The following THSD4 variants were observed in gnomAD, a reference collection of about 807,000 sequenced individuals.
The protein encoded by THSD4 is thrombospondin type-1 domain-containing protein 4.
Under a neutral mutation model 119.0 loss-of-function variants are expected in THSD4, and 69 were observed. The ratio of observed to expected loss-of-function variants is 0.58; its 90% CI spans 0.48 to 0.71. The LOEUF is 0.71. THSD4 is among the 30% of genes least tolerant of loss of function. The probability of loss-of-function intolerance (pLI) is 0.00; values close to 1 mark genes in which losing one functional copy is unlikely to be tolerated. For synonymous variants in THSD4, 524 were observed against 540.4 expected (o/e 0.97, Z 0.42); for missense variants, 1,393 against 1,391.1 (o/e 1.00, Z -0.02).
chr15:71,345,798 G>T (rs2028466), intron 6 of THSD4, among the ~76,000 whole-genome samples: 54,932 of 108,948 alleles, frequency 0.5, 10,893 homozygotes, highest in African/African-American at 0.61. Context: ...TGGGTGTTTT[G>T]TTTTTTTTTT....
intron 6 of THSD4, among the ~76,000 whole-genome samples, chr15:71,282,505 G>A (rs1421638262): frequency 6.6e-6 from 1 of 152,130 alleles, no homozygotes; most frequent in African/African-American, 2.4e-5. Context: ...TCTAGGGGTA[G>A]CCATTGCTTG....
intron 5 of THSD4, among the ~76,000 whole-genome samples, chr15:71,252,551 C>T (rs2044271324): frequency 6.6e-6 from 1 of 152,238 alleles, no homozygotes; most frequent in South Asian, 2.1e-4. Flanking sequence ...CTAGCCCTAT[C>T]CTGACAAGAC....
intron 7 of THSD4, among the ~76,000 whole-genome samples, chr15:71,501,283 A>G (rs1476420484): frequency 6.6e-6 from 1 of 152,238 alleles, no homozygotes; most frequent in African/African-American, 2.4e-5. Context: ...ACAGATCCAT[A>G]TATGATTATT....
At chr15:71,400,363 AT>A (rs1362828678) in intron 6 of THSD4, among the ~76,000 whole-genome samples, 1 of 152,200 alleles carries the variant, frequency 6.6e-6, no homozygotes, top group African/African-American at 2.4e-5. Context: ...CAGTTTTCTA[AT>A]TCCAGAGAAG....
intron 3 of THSD4, among the ~76,000 whole-genome samples, chr15:71,205,826 G>A (rs2043839271): frequency 6.6e-6 from 1 of 150,594 alleles, no homozygotes; most frequent in African/African-American, 2.4e-5. Flanking sequence ...TATCACCATA[G>A]TGATAATACT....
chr15:71,117,105 A>T (rs1188435978), intron 1 of THSD4, among the ~76,000 whole-genome samples: 2 of 152,074 alleles, frequency 1.3e-5, no homozygotes, highest in African/African-American at 2.4e-5. Context: ...GGTGATCAGG[A>T]TACTGGAGCC....
At position 71,273,681 on chromosome 15, in the gene THSD4, C is replaced by G. The variant is rs112263555; in HGVS notation, c.1015+16966C>G. ...TCAATCGAAATAAAATTTAAAAATA[C>G]ACAGTATCATTTTGAGACTCATTTA... On this transcript the variant is annotated intron_variant, in intron 6 of 17. Coordinates refer to ENST00000261862, the MANE Select transcript of THSD4 (RefSeq NM_024817.3). Among the ~76,000 whole-genome samples, 1,234 of 152,126 alleles carry G rather than the reference C, an allele frequency of 8.1e-3. 5 individuals are homozygous for G. The highest frequency in any genetic ancestry group is 0.012 in the Non-Finnish European group (837 of 68,000).
At chr15:71,547,506 A>C (rs988530755) in intron 7 of THSD4, 2 of 1,548,816 alleles carry the variant, frequency 1.3e-6, no homozygotes, top group Non-Finnish European at 1.7e-6. Context: ...ATATCTTGTC[A>C]GAAGTTGTAT....
At chr15:71,281,916 A>G (rs1188717110) in intron 6 of THSD4, among the ~76,000 whole-genome samples, 1 of 152,170 alleles carries the variant, frequency 6.6e-6, no homozygotes, top group African/African-American at 2.4e-5. Flanking sequence ...GCTTTGGCTC[A>G]TGTAGTATAA....
At chr15:71,669,953 A>ATATG (rs2051490207) in intron 8 of THSD4, among the ~76,000 whole-genome samples, 2 of 152,196 alleles carry the variant, frequency 1.3e-5, no homozygotes, top group South Asian at 4.1e-4. Flanking sequence ...CAAGACTCCA[A>ATATG]TATGTATCAG....
At chr15:71,706,268 G>A (rs2052390293) in intron 8 of THSD4, among the ~76,000 whole-genome samples, 1 of 152,138 alleles carries the variant, frequency 6.6e-6, no homozygotes, top group Admixed American at 6.5e-5. Flanking sequence ...TCGCTGCTAG[G>A]GGTAAAAGAA....
intron 7 of THSD4, among the ~76,000 whole-genome samples, chr15:71,454,084 C>T (rs2140591532): frequency 6.6e-6 from 1 of 152,280 alleles, no homozygotes; most frequent in Admixed American, 6.5e-5. Flanking sequence ...TGGCAAAACC[C>T]AACCTCTACT....
chr15:71,396,226 T>C (rs2046453421), intron 6 of THSD4, among the ~76,000 whole-genome samples: 1 of 151,908 alleles, frequency 6.6e-6, no homozygotes, highest in African/African-American at 2.4e-5. Context: ...CACATATCTA[T>C]ACCATATGTA....
chr15:71,453,075 C>T (rs72760675), intron 7 of THSD4, among the ~76,000 whole-genome samples: 10,639 of 152,240 alleles, frequency 0.07, 435 homozygotes, highest in Middle Eastern at 0.11. Flanking sequence ...TATCTGCAAG[C>T]CAGAAAGAGA....
chr15:71,643,308 T>A (rs2050902187), intron 7 of THSD4, among the ~76,000 whole-genome samples: 1 of 152,198 alleles, frequency 6.6e-6, no homozygotes, highest in Non-Finnish European at 1.5e-5. Context: ...AATTAATTTC[T>A]TTTTTGAGAC....
chr15:71,379,450 C>CGTTTTTTTTTTTTTTTTTTTTTTTT (rs1566962165), intron 6 of THSD4, among the ~76,000 whole-genome samples: 1 of 77,562 alleles, frequency 1.3e-5, no homozygotes. Flanking sequence ...CAAATGGCTT[C>CGTTTTTTTTTTTTTTTTTTTTTTTT]TTTTTTTTTT....
At chr15:71,290,615 G>C (rs567673602) in intron 6 of THSD4, among the ~76,000 whole-genome samples, 2 of 152,202 alleles carry the variant, frequency 1.3e-5, no homozygotes, top group South Asian at 2.1e-4. Context: ...TTACTAAGAA[G>C]TGCAGAGATA....
In THSD4 at chr15:71,213,128, G is replaced by A. The variant is rs540387148; in HGVS notation, c.100-1907G>A. Among the ~76,000 whole-genome samples the A allele has an allele frequency of 5.3e-5, 8 of 152,308 alleles. No individual in the cohort carries two copies. The South Asian group carries it at 8.3e-4, about 16-fold the overall frequency. On this transcript the variant is annotated intron_variant, in intron 3 of 17. Coordinates refer to ENST00000261862, the MANE Select transcript of THSD4 (RefSeq NM_024817.3). ...TCAAAATCTGTGTCACTAGGGCCAC[G>A]CTCCTTCCAAAGTTACTAAGGGGAG...
chr15:71,692,464 TG>T (rs2141053944), intron 8 of THSD4, among the ~76,000 whole-genome samples: 2 of 152,296 alleles, frequency 1.3e-5, no homozygotes, highest in African/African-American at 4.8e-5. Context: ...GTTTTTGTTT[TG>T]TTTTGTTTTT....
Sources: gnomAD v4.1 joint callset for allele counts (sites outside exome capture counted in the v4.1 genomes callset) on GRCh38, gnomAD v4.1.1 for gene constraint, MANE v1.5 for transcripts, NCBI Gene and HGNC (gene_info 2026-07-23, HGNC 2026-07-21) for gene names.